Variants in MACROD2 observed in about 807,000 individuals in gnomAD.
MACROD2 encodes mono-ADP ribosylhydrolase 2.
A neutral mutation model predicts 70.4 loss-of-function variants in MACROD2; 36 were observed. The observed-to-expected ratio is 0.51, with a 90% CI of 0.39 to 0.68. MACROD2 has a LOEUF of 0.68. Ranked by LOEUF, MACROD2 falls within the 30% of genes least tolerant of loss-of-function variation. MACROD2 has a pLI of 0.00. For synonymous variants in MACROD2, 172 were observed against 178.8 expected (o/e 0.96, Z 0.30); for missense variants, 496 against 538.4 (o/e 0.92, Z 0.78).
intron 8 of MACROD2, among the ~76,000 whole-genome samples, chr20:15,701,139 C>T (rs2050452271): frequency 2.0e-5 from 3 of 152,312 alleles, no homozygotes; most frequent in South Asian, 4.1e-4. Context: ...TTGTAAGTTT[C>T]ACTGGAGCAC....
chr20:15,098,909 G>T (rs1200753501), intron 5 of MACROD2, among the ~76,000 whole-genome samples: 1 of 152,230 alleles, frequency 6.6e-6, no homozygotes, highest in Non-Finnish European at 1.5e-5. Flanking sequence ...GTAGAAAATT[G>T]CACTACTAGT....
chr20:15,700,298 C>T (rs2050438185), intron 8 of MACROD2, among the ~76,000 whole-genome samples: 1 of 152,136 alleles, frequency 6.6e-6, no homozygotes, highest in Admixed American at 6.5e-5. Context: ...AGAGAGCAAC[C>T]CAAAGGAGCT....
chr20:14,177,453 A>T (rs1048817208), intron 3 of MACROD2, among the ~76,000 whole-genome samples: 7 of 151,892 alleles, frequency 4.6e-5, no homozygotes, highest in African/African-American at 1.5e-4. Flanking sequence ...AGTAGCTGGG[A>T]TTACAGGTAT....
intron 3 of MACROD2, among the ~76,000 whole-genome samples, chr20:14,137,618 T>C (rs6042545): frequency 0.013 from 1,951 of 152,282 alleles, 42 homozygotes; most frequent in African/African-American, 0.044. Flanking sequence ...CTACATCATA[T>C]ACAACAATCA....
intron 3 of MACROD2, among the ~76,000 whole-genome samples, chr20:14,414,663 A>G (rs960779222): frequency 1.3e-5 from 2 of 152,106 alleles, no homozygotes; most frequent in Non-Finnish European, 2.9e-5. Context: ...AACCCTTACC[A>G]TGTCCGTCAA....
chr20:14,788,776 T>TG (rs1305796454), intron 5 of MACROD2, among the ~76,000 whole-genome samples: 25 of 141,944 alleles, frequency 1.8e-4, no homozygotes, highest in Non-Finnish European at 2.8e-4. Context: ...TTTTTTTTTT[T>TG]TTTTTTTTTT....
chr20:15,179,334 G>A (rs1459571065), intron 5 of MACROD2, among the ~76,000 whole-genome samples: 4 of 152,122 alleles, frequency 2.6e-5, no homozygotes, highest in Non-Finnish European at 5.9e-5. Flanking sequence ...AAGCCAGATT[G>A]TTTAGTAAAT....
intron 6 of MACROD2, among the ~76,000 whole-genome samples, chr20:15,352,542 G>C (rs1307347372): frequency 6.6e-6 from 1 of 151,992 alleles, no homozygotes; most frequent in Non-Finnish European, 1.5e-5. Context: ...AAGAATGTAA[G>C]AAATGCATAG....
chr20:15,082,777 T>C (rs1434939247), intron 5 of MACROD2, among the ~76,000 whole-genome samples: 1 of 152,144 alleles, frequency 6.6e-6, no homozygotes, highest in African/African-American at 2.4e-5. Flanking sequence ...TGACATTTCT[T>C]TTCTGTTCGC....
At chr20:15,947,392 A>G (rs1340583091) in intron 12 of MACROD2, among the ~76,000 whole-genome samples, 1 of 152,088 alleles carries the variant, frequency 6.6e-6, no homozygotes, top group Non-Finnish European at 1.5e-5. Flanking sequence ...CCCCTGGTTT[A>G]TTGAGACTGG....
chr20:14,335,043 G>T (rs1320693016), intron 3 of MACROD2, among the ~76,000 whole-genome samples: 1 of 152,070 alleles, frequency 6.6e-6, no homozygotes, highest in Admixed American at 6.6e-5. Flanking sequence ...CAAGAAAGAA[G>T]AAACATTAAT....
At chr20:14,483,904 G>A (rs567408666) in intron 3 of MACROD2, among the ~76,000 whole-genome samples, 1 of 152,156 alleles carries the variant, frequency 6.6e-6, no homozygotes, top group Admixed American at 6.5e-5. Flanking sequence ...ACCTTTAGTT[G>A]AGATAGTTTT....
intron 6 of MACROD2, among the ~76,000 whole-genome samples, chr20:15,232,167 A>AT (rs1214989982): frequency 6.6e-6 from 1 of 151,926 alleles, no homozygotes; most frequent in Non-Finnish European, 1.5e-5. Context: ...TAAATAAATA[A>AT]TAATGCTAAT....
chr20:15,451,828 G>A (rs760013845), intron 7 of MACROD2, among the ~76,000 whole-genome samples: 2 of 152,152 alleles, frequency 1.3e-5, no homozygotes, highest in Non-Finnish European at 2.9e-5. Flanking sequence ...AGGACTTGGT[G>A]GATCCAGTAA....
intron 5 of MACROD2, among the ~76,000 whole-genome samples, chr20:15,071,853 G>C (rs1568559206): frequency 6.6e-6 from 1 of 152,104 alleles, no homozygotes; most frequent in African/African-American, 2.4e-5. Flanking sequence ...AAACATGTTT[G>C]TGGTTGGCTG....
intron 2 of MACROD2, among the ~76,000 whole-genome samples, chr20:14,020,612 GGAATCA>G (rs1449233594): frequency 6.6e-6 from 1 of 152,062 alleles, no homozygotes; most frequent in Admixed American, 6.6e-5. Flanking sequence ...GGTAACTCTG[GGAATCA>G]GATTTCTCCC....
chr20:14,934,822 G>T (rs1431561407), intron 5 of MACROD2: 2 of 146,436 alleles, frequency 1.4e-5, no homozygotes, highest in East Asian at 3.9e-4. Flanking sequence ...AATAATAAAA[G>T]AAAAGGTTTA....
intron 6 of MACROD2, among the ~76,000 whole-genome samples, chr20:15,427,367 C>G (rs181433515): frequency 6.6e-6 from 1 of 152,184 alleles, no homozygotes; most frequent in Non-Finnish European, 1.5e-5. Context: ...TGAAACTTGT[C>G]ATTAACTGTG....
intron 8 of MACROD2, among the ~76,000 whole-genome samples, chr20:15,833,699 A>G (rs1275579594): frequency 1.3e-5 from 2 of 152,216 alleles, no homozygotes; most frequent in African/African-American, 4.8e-5. Flanking sequence ...TAAAGCAGCC[A>G]AGTACTTGAT....
Sources: gnomAD v4.1 joint callset for allele counts (sites outside exome capture counted in the v4.1 genomes callset) on GRCh38, gnomAD v4.1.1 for gene constraint, MANE v1.5 for transcripts, NCBI Gene and HGNC (gene_info 2026-07-23, HGNC 2026-07-21) for gene names.